Variants in CAMTA1 observed in about 807,000 individuals in gnomAD.
CAMTA1 encodes calmodulin-binding transcription activator 1.
Under a neutral mutation model 170.9 loss-of-function variants are expected in CAMTA1, and 27 were observed. The observed-to-expected ratio is 0.16, with a 90% CI of 0.12 to 0.22. CAMTA1 has a LOEUF of 0.22. Among genes scored for constraint, CAMTA1 ranks in the 10% least tolerant of loss-of-function variants. The pLI, the probability that CAMTA1 is intolerant of heterozygous loss-of-function variation, is 1.00. For missense variants in CAMTA1, 1,619 were observed against 2,217.2 expected (o/e 0.73, Z 5.42); for synonymous variants, 833 against 891.5 (o/e 0.93, Z 1.17).
chr1:7,472,196 G>A (rs1338539587), intron 6 of CAMTA1, among the ~76,000 whole-genome samples: 4 of 152,284 alleles, frequency 2.6e-5, no homozygotes, highest in South Asian at 2.1e-4. Flanking sequence ...GCACGGCTGC[G>A]GGGAGACGAG....
At chr1:7,048,060 T>G (rs1705694304) in intron 3 of CAMTA1, among the ~76,000 whole-genome samples, 1 of 152,034 alleles carries the variant, frequency 6.6e-6, no homozygotes, top group South Asian at 2.1e-4. Flanking sequence ...AGGAAGCCCT[T>G]GGTCATAATG....
intron 8 of CAMTA1, among the ~76,000 whole-genome samples, chr1:7,662,817 G>C: frequency 6.6e-6 from 1 of 152,130 alleles, no homozygotes; most frequent in Non-Finnish European, 1.5e-5. Flanking sequence ...AGCTGGTCCC[G>C]AGACTGCATT....
chr1:7,266,496 G>GTGCCACACTT, intron 5 of CAMTA1, among the ~76,000 whole-genome samples: 1 of 152,354 alleles, frequency 6.6e-6, no homozygotes, highest in Non-Finnish European at 1.5e-5. Context: ...AGTCCACGAT[G>GTGCCACACTT]TGCCACACTT....
At chr1:7,750,923 T>A (rs1299845223) in intron 19 of CAMTA1, 4 of 583,434 alleles carry the variant, frequency 6.9e-6, no homozygotes, top group Admixed American at 4.8e-5. Flanking sequence ...CTAAGGGTAT[T>A]GCTATTAAAA....
chr1:7,495,148 T>A (rs1011887813), intron 6 of CAMTA1, among the ~76,000 whole-genome samples: 4 of 152,192 alleles, frequency 2.6e-5, no homozygotes, highest in Non-Finnish European at 4.4e-5. Context: ...TGCAAACTTA[T>A]AAATAATTAA....
chr1:7,413,966 AG>A (rs1310978443), intron 5 of CAMTA1, among the ~76,000 whole-genome samples: 24 of 152,206 alleles, frequency 1.6e-4, no homozygotes, highest in Non-Finnish European at 3.1e-4. Flanking sequence ...TTTAGCATGA[AG>A]GGTTGTTGAA....
Position 7,249,438 on chromosome 1 carries a change from A to C in CAMTA1, c.303-53A>C, listed in dbSNP as rs1666304624. Reference sequence around the variant, plus strand: ...ACTGGTCGATGATATCTTTCTTCATAAATTTTTCTTCTACTTGGTACTCTT... The same window carrying C: ...ACTGGTCGATGATATCTTTCTTCATCAATTTTTCTTCTACTTGGTACTCTT... On this transcript the variant is annotated intron_variant, in intron 4 of 22. Coordinates refer to ENST00000303635, the MANE Select transcript of CAMTA1 (RefSeq NM_015215.4). This position sits in a 1 kb window ranked among gnomAD's most constrained non-coding sequence, Gnocchi z 4.4. 1 of 1,520,874 alleles carries C rather than the reference A, an allele frequency of 6.6e-7. No homozygotes were observed. Among genetic ancestry groups the C allele is most frequent in the Non-Finnish European group, 8.9e-7 (1 of 1,120,878 alleles). 94.2% of individuals were successfully genotyped at this position (1,520,874 alleles called of 1,614,324 possible). A position where few individuals can be genotyped will look rare whatever the true frequency, so the allele number is the denominator to read the frequency against.
rs1232875831 is a variant in CAMTA1 at position 7,481,387 on chromosome 1, G to A, written c.510+13486G>A. 5.9e-5 allele frequency among the ~76,000 whole-genome samples: 9 copies of A among 152,156 alleles called. No individual in the cohort carries two copies. In the South Asian group the frequency reaches 6.2e-4, roughly 11 times the overall value. ...TCTCCTCAAAGAGTCAGGTCCTTTCGTGCCTCAGGGCCTTTGCACATGCTC... is the reference window on the plus strand; with the variant it reads ...TCTCCTCAAAGAGTCAGGTCCTTTCATGCCTCAGGGCCTTTGCACATGCTC... On this transcript the variant is annotated intron_variant, in intron 6 of 22. Transcript: ENST00000303635.
chr1:6,932,580 C>T (rs962413458), intron 3 of CAMTA1, among the ~76,000 whole-genome samples: 2 of 152,200 alleles, frequency 1.3e-5, no homozygotes, highest in African/African-American at 4.8e-5. Context: ...CGTTGCTTTG[C>T]AAAGTGACCA....
Position 7,079,289 on chromosome 1 carries a change from G to C in CAMTA1, c.235-12015G>C, listed in dbSNP as rs559226923. On this transcript the variant is annotated intron_variant, in intron 3 of 22. Transcript: ENST00000303635. ...CCACAAGTAACTTAAATAACTGCCA[G>C]AGTAAAGCCTAAAGCCTAATGCTCT... Among the ~76,000 whole-genome samples the C allele has an allele frequency of 3.3e-5, 5 of 152,268 alleles. No individual in the cohort carries two copies. The South Asian group carries it at 1.0e-3, about 32-fold the overall frequency.
At chr1:6,871,753 G>A (rs1668465163) in intron 3 of CAMTA1, 1 of 1,534,578 alleles carries the variant, frequency 6.5e-7, no homozygotes, top group African/African-American at 1.4e-5. Context: ...CCTTTGTTTT[G>A]CAGAGATCAT....
chr1:7,000,136 G>A (rs1042647829), intron 3 of CAMTA1, among the ~76,000 whole-genome samples: 3 of 152,200 alleles, frequency 2.0e-5, no homozygotes, highest in Admixed American at 1.3e-4. Context: ...GGACAGGATG[G>A]GAGATGTGTG....
At chr1:7,527,125 C>T (rs937684057) in intron 6 of CAMTA1, among the ~76,000 whole-genome samples, 2 of 152,220 alleles carry the variant, frequency 1.3e-5, no homozygotes, top group African/African-American at 4.8e-5. Flanking sequence ...TCCTGAGAAA[C>T]TCAAAGCCAC....
intron 3 of CAMTA1, among the ~76,000 whole-genome samples, chr1:6,868,361 G>GTT (rs939496921): frequency 6.8e-6 from 1 of 147,186 alleles, no homozygotes; most frequent in African/African-American, 2.5e-5. Context: ...AAAAACGACT[G>GTT]TATAGGGTTA....
intron 5 of CAMTA1, among the ~76,000 whole-genome samples, chr1:7,460,173 T>C (rs550357018): frequency 4.7e-4 from 72 of 152,250 alleles, no homozygotes; most frequent in Non-Finnish European, 7.9e-4. Flanking sequence ...ATGAGAGAGC[T>C]GGGGAGGGGC....
At chr1:6,883,232 C>G (rs912487281) in intron 3 of CAMTA1, among the ~76,000 whole-genome samples, 3 of 152,156 alleles carry the variant, frequency 2.0e-5, no homozygotes, top group Non-Finnish European at 4.4e-5. Flanking sequence ...ATATCTATGT[C>G]AGATGCTGCT....
chr1:7,594,952 T>C (rs1429176426), intron 6 of CAMTA1, among the ~76,000 whole-genome samples: 1 of 152,138 alleles, frequency 6.6e-6, no homozygotes, highest in Non-Finnish European at 1.5e-5. Context: ...TGGAATGTGA[T>C]TCAGGAATGA....
chr1:7,139,359 T>A (rs1053604917), intron 4 of CAMTA1, among the ~76,000 whole-genome samples: 4 of 147,106 alleles, frequency 2.7e-5, no homozygotes, highest in Non-Finnish European at 6.0e-5. Flanking sequence ...AAATATTTTA[T>A]ATATAGATAT....
At chr1:7,307,279 T>C (rs1675739053) in intron 5 of CAMTA1, among the ~76,000 whole-genome samples, 1 of 152,052 alleles carries the variant, frequency 6.6e-6, no homozygotes, top group East Asian at 1.9e-4. Flanking sequence ...CAACTGAGTT[T>C]TGTGTGTTCA....
Sources: gnomAD v4.1 joint callset for allele counts (sites outside exome capture counted in the v4.1 genomes callset) on GRCh38, gnomAD v4.1.1 for gene constraint, Gnocchi (gnomAD v3.1) non-coding constraint, MANE v1.5 for transcripts, NCBI Gene and HGNC (gene_info 2026-07-23, HGNC 2026-07-21) for gene names.